RELN: variants seen among roughly 807,000 people sequenced by gnomAD.
The protein encoded by RELN is reelin.
RELN carries 108 observed loss-of-function variants against 427.6 expected under a neutral mutation model. The observed-to-expected ratio is 0.25, with a 90% CI of 0.22 to 0.30. The LOEUF (loss-of-function observed/expected upper bound fraction) is 0.30. Ranked by LOEUF, RELN falls within the 10% of genes least tolerant of loss-of-function variation. RELN has a pLI of 1.00. For synonymous variants in RELN, 1,524 were observed against 1,513.4 expected (o/e 1.01, Z -0.16); for missense variants, 3,715 against 4,302.8 (o/e 0.86, Z 3.82).
At chr7:103,745,646 T>G (rs1790802740) in intron 6 of RELN, among the ~76,000 whole-genome samples, 1 of 151,270 alleles carries the variant, frequency 6.6e-6, no homozygotes, top group African/African-American at 2.5e-5. Flanking sequence ...AGCCAAATCA[T>G]GAGTGAACTC....
chr7:103,782,175 A>G (rs1584488807), intron 3 of RELN, among the ~76,000 whole-genome samples: 1 of 152,338 alleles, frequency 6.6e-6, no homozygotes, highest in African/African-American at 2.4e-5. Flanking sequence ...AAAGTTCATT[A>G]TGATCATCAT....
At chr7:103,686,673 G>A (rs1833770976) in intron 10 of RELN, among the ~76,000 whole-genome samples, 1 of 152,098 alleles carries the variant, frequency 6.6e-6, no homozygotes, top group South Asian at 2.1e-4. Flanking sequence ...TACAGCCATT[G>A]GAAATTGACT....
chr7:103,967,053 G>A (rs2116806832), intron 1 of RELN, among the ~76,000 whole-genome samples: 1 of 152,212 alleles, frequency 6.6e-6, no homozygotes, highest in South Asian at 2.1e-4. Flanking sequence ...TCTATTAATA[G>A]CTGACATTTA....
At chr7:103,584,653 A>T (rs1831229188) in intron 28 of RELN, among the ~76,000 whole-genome samples, 1 of 152,190 alleles carries the variant, frequency 6.6e-6, no homozygotes, top group Non-Finnish European at 1.5e-5. Context: ...TAGATAGATC[A>T]CTGAGGCAGA....
At chr7:103,852,358 T>C (rs1422958856) in intron 2 of RELN, among the ~76,000 whole-genome samples, 1 of 152,160 alleles carries the variant, frequency 6.6e-6, no homozygotes, top group Non-Finnish European at 1.5e-5. Context: ...AGAACAAAGA[T>C]TGTGGAGACA....
At chr7:103,671,891 C>T (rs533769031) in intron 11 of RELN, among the ~76,000 whole-genome samples, 2 of 152,176 alleles carry the variant, frequency 1.3e-5, no homozygotes, top group South Asian at 4.2e-4. Flanking sequence ...AAAAACAAAA[C>T]TCACTTAATA....
At chr7:103,980,958 A>G (rs977357629) in intron 1 of RELN, among the ~76,000 whole-genome samples, 1 of 152,242 alleles carries the variant, frequency 6.6e-6, no homozygotes, top group Non-Finnish European at 1.5e-5. Context: ...TGTTTATTAA[A>G]GAAAAGGAAA....
intron 2 of RELN, among the ~76,000 whole-genome samples, chr7:103,896,676 C>T (rs999515631): frequency 6.6e-6 from 1 of 151,970 alleles, no homozygotes; most frequent in South Asian, 2.1e-4. Flanking sequence ...TGGGGTTACA[C>T]AGGCGTGTAC....
Position 103,620,475 on chromosome 7 carries a change from AT to A in RELN, c.2703-8673del, listed in dbSNP as rs67744980. On this transcript the variant is annotated intron_variant, in intron 20 of 64. Coordinates refer to ENST00000428762, the MANE Select transcript of RELN (RefSeq NM_005045.4). The surrounding 1 kb of genome is among the most constrained non-coding windows in gnomAD (Gnocchi z 4.1). ...GTTGAAGATAACTCACCCGATCCACATTTTTTTTTTTTTTTTGAGATAGAGT... is the reference window on the plus strand; with the variant it reads ...GTTGAAGATAACTCACCCGATCCACATTTTTTTTTTTTTTTGAGATAGAGT... Among the ~76,000 whole-genome samples, 95,960 of 137,478 alleles carry A rather than the reference AT, an allele frequency of 0.7. 33,138 individuals carry two copies. The highest frequency in any genetic ancestry group is 0.78 in the African/African-American group (28,789 of 36,704). The allele number at this position is 137,478 out of a possible 152,430, so 90.2% of individuals were successfully genotyped here.
intron 8 of RELN, among the ~76,000 whole-genome samples, chr7:103,707,069 G>A (rs547695947): frequency 3.9e-4 from 60 of 152,150 alleles, no homozygotes; most frequent in African/African-American, 1.4e-3. Flanking sequence ...AAATTCCTGG[G>A]CTCAAGAGAT....
chr7:103,868,656 T>C (rs1193457381), intron 2 of RELN, among the ~76,000 whole-genome samples: 1 of 152,096 alleles, frequency 6.6e-6, no homozygotes, highest in Admixed American at 6.6e-5. Context: ...CAGAGTTAAA[T>C]TTAAAATCTC....
chr7:103,617,137 AAGCTATTC>A (rs979819171), intron 20 of RELN, among the ~76,000 whole-genome samples: 2 of 152,154 alleles, frequency 1.3e-5, no homozygotes, highest in African/African-American at 4.8e-5. Flanking sequence ...AGAAGTTTAG[AAGCTATTC>A]ATGTTTATTG....
At chr7:103,835,221 A>C (rs1793370673) in intron 2 of RELN, among the ~76,000 whole-genome samples, 1 of 152,236 alleles carries the variant, frequency 6.6e-6, no homozygotes, top group African/African-American at 2.4e-5. Flanking sequence ...TATAATTCCA[A>C]CTGTATCACA....
chr7:103,960,123 C>T (rs12666749), intron 1 of RELN, among the ~76,000 whole-genome samples: 16,364 of 152,182 alleles, frequency 0.11, 1,022 homozygotes, highest in Middle Eastern at 0.2. Context: ...TAGATTATGT[C>T]GTTCCTTGGC....
At chr7:103,964,632 C>G (rs1023879405) in intron 1 of RELN, among the ~76,000 whole-genome samples, 8 of 152,196 alleles carry the variant, frequency 5.3e-5, no homozygotes, top group Admixed American at 3.9e-4. Context: ...CTTTTATTTG[C>G]TTCCCCCTTT....
At chr7:103,594,253 A>G in intron 26 of RELN, 68 bp downstream of exon 26, 1 of 1,446,220 alleles carries the variant, frequency 6.9e-7, no homozygotes, top group East Asian at 2.3e-5. Flanking sequence ...TCCTTAAGGA[A>G]ATGAGTTCTT....
intron 29 of RELN, among the ~76,000 whole-genome samples, 179 bp from the exon 30 acceptor site, chr7:103,574,478 A>G (rs1224443194): frequency 6.6e-6 from 1 of 152,212 alleles, no homozygotes; most frequent in Non-Finnish European, 1.5e-5. Context: ...CCATCATCAA[A>G]AACACTATTC....
rs1831720354 is a variant in RELN, at chr7:103,603,245, CAG to C, written c.3333+57_3333+58del. Reference sequence around the variant, plus strand: ...ACTTCATATTTGTACATTTGGAATTCAGAGTCTCATATTAAACTAGCCATTGC... The same window carrying C: ...ACTTCATATTTGTACATTTGGAATTCAGTCTCATATTAAACTAGCCATTGC... On this transcript the variant is annotated intron_variant, in intron 24 of 64. Coordinates refer to ENST00000428762, the MANE Select transcript of RELN (RefSeq NM_005045.4). The surrounding 1 kb of genome is among the most constrained non-coding windows in gnomAD (Gnocchi z 4.3). The C allele has an allele frequency of 7.4e-7, 1 of 1,344,418 alleles. No homozygotes were observed. The highest frequency in any genetic ancestry group is 2.3e-5 in the East Asian group (1 of 43,590). The allele number at this position is 1,344,418 out of a possible 1,614,324, so 83.3% of individuals were successfully genotyped here.
chr7:103,859,919 A>G (rs140730346), intron 2 of RELN, among the ~76,000 whole-genome samples: 1 of 152,354 alleles, frequency 6.6e-6, no homozygotes, highest in East Asian at 1.9e-4. Flanking sequence ...AGATGACTTC[A>G]TTAAAAAAAC....
Sources: allele counts gnomAD v4.1 joint callset (sites outside exome capture counted in the v4.1 genomes callset), GRCh38; gene constraint gnomAD v4.1.1; non-coding constraint Gnocchi (gnomAD v3.1); transcripts MANE v1.5; gene names NCBI Gene and HGNC (gene_info 2026-07-23, HGNC 2026-07-21).